Variants in CELF1 observed in about 807,000 individuals in gnomAD.
CELF1 encodes 50 kDa nuclear polyadenylated RNA-binding protein.
A neutral mutation model predicts 61.8 loss-of-function variants in CELF1; 10 were observed. The observed-to-expected ratio is 0.16, with a 90% CI of 0.10 to 0.27. The LOEUF (loss-of-function observed/expected upper bound fraction) is 0.27. CELF1 is among the 10% of genes least tolerant of loss of function. The pLI is 1.00. For synonymous variants in CELF1, 236 were observed against 225.1 expected (o/e 1.05, Z -0.43); for missense variants, 380 against 639.1 (o/e 0.59, Z 4.37).
intron 1 of CELF1, among the ~76,000 whole-genome samples, chr11:47,548,507 T>C (rs2097043961): frequency 6.6e-6 from 1 of 152,120 alleles, no homozygotes; most frequent in Non-Finnish European, 1.5e-5. Flanking sequence ...ATCGACAAAG[T>C]GAAAGACAAA....
Position 47,475,425 on chromosome 11 carries a change from T to G in CELF1, c.1184A>C (p.Gln395Pro). 6.2e-7 allele frequency: 1 copy of G among 1,614,138 alleles called. No homozygotes were observed. The highest frequency in any genetic ancestry group is 8.5e-7 in the Non-Finnish European group (1 of 1,180,044). ...EALTQAYSGI[Q>P]QYAAAALPTL... Reference sequence around the variant, plus strand: ...GGGGAGCGCAGCAGCAGCATATTGCTGGATACCCGAGTAGGCCTGAGTGAG... The same window carrying G: ...GGGGAGCGCAGCAGCAGCATATTGCGGGATACCCGAGTAGGCCTGAGTGAG... The change falls in exon 13 of 15, where the codon CAG (glutamine) becomes CCG (proline). Residue 395 changes from glutamine to proline, a missense_variant. Transcript: ENST00000687097.
intron 12 of CELF1, 41 bp from the exon 13 acceptor site, chr11:47,475,562 T>C (rs1319533460): frequency 6.3e-7 from 1 of 1,590,170 alleles, no homozygotes; most frequent in Non-Finnish European, 8.6e-7. Context: ...CTAGAAAGAC[T>C]AAACTGATGC....
intron 1 of CELF1, among the ~76,000 whole-genome samples, chr11:47,532,509 G>T (rs922355122): frequency 6.6e-6 from 1 of 152,202 alleles, no homozygotes; most frequent in Non-Finnish European, 1.5e-5. Flanking sequence ...TCCTTCCATG[G>T]ATAGAAAGTT....
chr11:47,508,362 C>G (rs377186743), intron 1 of CELF1, among the ~76,000 whole-genome samples: 3 of 152,212 alleles, frequency 2.0e-5, no homozygotes, highest in South Asian at 2.1e-4. Context: ...ATCACTTCCA[C>G]CCTCTGAGAC....
chr11:47,480,891 C>T (rs1456245453), intron 9 of CELF1, among the ~76,000 whole-genome samples: 1 of 151,984 alleles, frequency 6.6e-6, no homozygotes, highest in Non-Finnish European at 1.5e-5. Context: ...CAAAAATTAG[C>T]CAGGCGTGGT....
intron 1 of CELF1, among the ~76,000 whole-genome samples, chr11:47,551,498 G>C (rs527823053): frequency 4.6e-5 from 7 of 152,348 alleles, no homozygotes; most frequent in African/African-American, 1.2e-4. Flanking sequence ...AACAGTTTGT[G>C]CATGCTATTG....
chr11:47,531,734 A>G (rs1382997651), intron 1 of CELF1, among the ~76,000 whole-genome samples: 1 of 152,224 alleles, frequency 6.6e-6, no homozygotes, highest in East Asian at 1.9e-4. Context: ...TTGCCTTAGA[A>G]GTATTTTTGA....
chr11:47,504,306 C>T (rs1273259488), intron 1 of CELF1, among the ~76,000 whole-genome samples: 3 of 152,118 alleles, frequency 2.0e-5, no homozygotes, highest in African/African-American at 7.2e-5. Context: ...ATTTTTCTGG[C>T]TGGGCACAGT....
At chr11:47,518,917 A>G (rs2095704422) in intron 1 of CELF1, among the ~76,000 whole-genome samples, 1 of 152,182 alleles carries the variant, frequency 6.6e-6, no homozygotes, top group African/African-American at 2.4e-5. Flanking sequence ...CTCATGCGGG[A>G]TGCTTCCATA....
At chr11:47,552,878 A>C (rs1318127496) in intron 1 of CELF1, 114 bp downstream of exon 1, 3 of 395,448 alleles carry the variant, frequency 7.6e-6, no homozygotes, top group Non-Finnish European at 1.3e-5. Context: ...CCGCGCCCGG[A>C]GGGCCCTGTG....
At chr11:47,512,042 G>A (rs1331122432) in intron 1 of CELF1, among the ~76,000 whole-genome samples, 1 of 152,102 alleles carries the variant, frequency 6.6e-6, no homozygotes, top group African/African-American at 2.4e-5. Flanking sequence ...CAGAAACAGG[G>A]TTTCCCCATG....
upstream of CELF1, among the ~76,000 whole-genome samples, chr11:47,553,597 T>C (rs572585445): frequency 3.3e-5 from 5 of 152,240 alleles, no homozygotes; most frequent in African/African-American, 1.2e-4. Flanking sequence ...GCACGCCCCT[T>C]TTTGCCCCAG....
chr11:47,543,371 T>A (rs1048951757), intron 1 of CELF1, among the ~76,000 whole-genome samples: 2 of 152,036 alleles, frequency 1.3e-5, no homozygotes, highest in Non-Finnish European at 2.9e-5. Context: ...GCCACTGCAC[T>A]CCAGCCTGAG....
intron 1 of CELF1, among the ~76,000 whole-genome samples, chr11:47,520,902 A>G (rs1400712949): frequency 6.6e-6 from 1 of 152,170 alleles, no homozygotes. Flanking sequence ...TAAACTAGTA[A>G]TTTTAGAGAT....
At position 47,479,762 on chromosome 11, in the gene CELF1, T is replaced by C. The variant is rs192161818; in HGVS notation, c.769-810A>G. Among the ~76,000 whole-genome samples, 444 of 152,332 alleles carry C rather than the reference T, an allele frequency of 2.9e-3. 1 individual carries two copies. The highest frequency in any genetic ancestry group is 5.2e-3 in the Non-Finnish European group (351 of 68,038). On this transcript the variant is annotated intron_variant, in intron 9 of 14. Coordinates refer to ENST00000687097, the MANE Select transcript of CELF1 (RefSeq NM_001376376.1). ...AACTAAACCCAATTAGTATTGTTTA[T>C]GGAAAATTGGTATTCTTGTACAGGA...
At chr11:47,532,422 C>T (rs1420461360) in intron 1 of CELF1, among the ~76,000 whole-genome samples, 2 of 152,198 alleles carry the variant, frequency 1.3e-5, no homozygotes, top group African/African-American at 2.4e-5. Context: ...AGTACAGGGG[C>T]TTTTGCCAAT....
intron 1 of CELF1, among the ~76,000 whole-genome samples, chr11:47,507,933 G>A (rs532558860): frequency 1.3e-5 from 2 of 151,754 alleles, no homozygotes; most frequent in African/African-American, 4.8e-5. Flanking sequence ...CTTCCTAAAA[G>A]CATTTACTTG....
intron 6 of CELF1, among the ~76,000 whole-genome samples, chr11:47,485,785 T>C (rs1357417911): frequency 6.7e-6 from 1 of 150,158 alleles, no homozygotes; most frequent in Non-Finnish European, 1.5e-5. Flanking sequence ...TTTCACCATG[T>C]TGGCCGGGTG....
intron 1 of CELF1, among the ~76,000 whole-genome samples, chr11:47,548,276 G>A (rs968412613): frequency 6.6e-6 from 1 of 152,028 alleles, no homozygotes; most frequent in African/African-American, 2.4e-5. Flanking sequence ...TCTAGGCTGG[G>A]TGACAGAGTG....
Sources: gnomAD v4.1 joint callset for allele counts (sites outside exome capture counted in the v4.1 genomes callset) on GRCh38, gnomAD v4.1.1 for gene constraint, MANE v1.5 for transcripts, NCBI Gene and HGNC (gene_info 2026-07-23, HGNC 2026-07-21) for gene names.